The following SMAD2 variants were observed in gnomAD, a reference collection of about 807,000 sequenced individuals.
The protein encoded by SMAD2 is MAD homolog 2.
In SMAD2, 8 loss-of-function variants were observed where a neutral mutation model predicts 64.4. The ratio of observed to expected loss-of-function variants is 0.12; its 90% CI spans 0.07 to 0.22. SMAD2 has a LOEUF of 0.22. Among genes scored for constraint, SMAD2 ranks in the 10% least tolerant of loss-of-function variants. SMAD2 has a pLI of 1.00. For missense variants in SMAD2, 289 were observed against 561.2 expected, an observed-to-expected ratio of 0.51 and a Z score of 4.90; for synonymous variants, 203 against 195.8, an observed-to-expected ratio of 1.04 and a Z score of -0.31.
Position 47,828,935 on chromosome 18 carries a change from T to C in SMAD2, c.*12892A>G, listed in dbSNP as rs1278673662. Reference sequence around the variant, plus strand: ...ACACCCAAGAATGATCAATAAATACTAAAAAAAAAAAAAAAAAAAAAAAAA... The same window carrying C: ...ACACCCAAGAATGATCAATAAATACCAAAAAAAAAAAAAAAAAAAAAAAAA... On this transcript the variant is annotated 3_prime_UTR_variant, in exon 11 of 11. Coordinates refer to ENST00000262160, the MANE Select transcript of SMAD2 (RefSeq NM_005901.6). 2 of 32,462 alleles carry C rather than the reference T, an allele frequency of 6.2e-5. No individual in the cohort carries two copies. Among genetic ancestry groups the C allele is most frequent in the Admixed American group, 9.4e-4 (2 of 2,118 alleles). The allele number at this position is 32,462 out of a possible 1,614,324, so 2.0% of individuals were successfully genotyped here. A position where few individuals can be genotyped will look rare whatever the true frequency, so the allele number is the denominator to read the frequency against.
chr18:47,824,548 T>G lies in SMAD2; in HGVS notation c.*17279A>C, dbSNP rs979234789. 6.6e-6 allele frequency: 1 copy of G among 152,210 alleles called. No individual in the cohort carries two copies. Among genetic ancestry groups the G allele is most frequent in the African/African-American group, 2.4e-5 (1 of 41,450 alleles). 9.4% of individuals were successfully genotyped at this position (152,210 alleles called of 1,614,324 possible). ...TGCATATTGCCTTCACAATGCCCTA[T>G]TCCCAAATAAACATCATTTTCTTTT... is the stretch of plus-strand genomic sequence containing the variant. On this transcript the variant is annotated 3_prime_UTR_variant, in exon 11 of 11. Transcript: ENST00000262160.
chr18:47,838,117 A>ATGTT lies in SMAD2; in HGVS notation c.*3706_*3709dup, dbSNP rs375946894. On this transcript the variant is annotated 3_prime_UTR_variant, in exon 11 of 11. Coordinates refer to ENST00000262160, the MANE Select transcript of SMAD2 (RefSeq NM_005901.6). ...TTCAACTAGCAAGAGACTAAGACTG[A>ATGTT]TGTTTGTTTGTTTGTTTTACCTTCA... The ATGTT allele has an allele frequency of 8.6e-6, 2 of 232,984 alleles. No homozygotes were observed. Among genetic ancestry groups the ATGTT allele is most frequent in the African/African-American group, 2.2e-5 (1 of 45,418 alleles). 14.4% of individuals were successfully genotyped at this position (232,984 alleles called of 1,614,324 possible). A position where few individuals can be genotyped will look rare whatever the true frequency, so the allele number is the denominator to read the frequency against.
At position 47,837,282 on chromosome 18, in the gene SMAD2, G is replaced by A. The variant is rs8086227; in HGVS notation, c.*4545C>T. ...TATATGCAGATAAAAATATGGCTAG[G>A]CTGGGCGCGGTGGCTCATGCCTGTA... On this transcript the variant is annotated 3_prime_UTR_variant, in exon 11 of 11. Coordinates refer to ENST00000262160, the MANE Select transcript of SMAD2 (RefSeq NM_005901.6). The A allele has an allele frequency of 0.053, 10,328 of 194,366 alleles. 878 individuals are homozygous for A. Among genetic ancestry groups the A allele is most frequent in the East Asian group, 0.24 (2,903 of 12,334 alleles). 12.0% of individuals were successfully genotyped at this position (194,366 alleles called of 1,614,324 possible). A position where few individuals can be genotyped will look rare whatever the true frequency, so the allele number is the denominator to read the frequency against.
At chr18:47,843,171 A>G (rs62086510) in intron 10 of SMAD2, among the ~76,000 whole-genome samples, 3,393 of 152,268 alleles carry the variant, frequency 0.022, 60 homozygotes, top group Non-Finnish European at 0.031. Flanking sequence ...GATATACCCA[A>G]AAAGGCTAGA....
At chr18:47,853,519 G>T in intron 6 of SMAD2, 1 of 190,782 alleles carries the variant, frequency 5.2e-6, no homozygotes, top group Admixed American at 6.4e-5. Context: ...GCAAGACTCT[G>T]TCTCGAGAGG....
chr18:47,879,124 G>A (rs1026767093), intron 2 of SMAD2, among the ~76,000 whole-genome samples: 5 of 152,164 alleles, frequency 3.3e-5, no homozygotes, highest in Non-Finnish European at 7.3e-5. Context: ...CCCTGTCTCA[G>A]AGAGAAAAAT....
At chr18:47,910,087 A>G (rs1376231630) in intron 1 of SMAD2, among the ~76,000 whole-genome samples, 1 of 152,082 alleles carries the variant, frequency 6.6e-6, no homozygotes, top group Non-Finnish European at 1.5e-5. Context: ...CATTCCTACT[A>G]GAGAAAACAG....
At chr18:47,894,625 A>G (rs942019727) in intron 2 of SMAD2, among the ~76,000 whole-genome samples, 11 of 152,212 alleles carry the variant, frequency 7.2e-5, no homozygotes, top group Non-Finnish European at 1.3e-4. Context: ...CAAAATCACC[A>G]GTATTCCTCC....
chr18:47,874,833 T>C (rs2044205240), intron 2 of SMAD2, among the ~76,000 whole-genome samples: 1 of 152,182 alleles, frequency 6.6e-6, no homozygotes, highest in African/African-American at 2.4e-5. Context: ...TGTATGTGTA[T>C]ACATACATAA....
chr18:47,850,426 TTATA>T lies in SMAD2; in HGVS notation c.784+844_784+847del, dbSNP rs1213924870. 1.6e-4 allele frequency among the ~76,000 whole-genome samples: 4 copies of T among 24,372 alleles called. 1 individual carries two copies. Among genetic ancestry groups the T allele is most frequent in the Non-Finnish European group, 1.9e-4 (3 of 15,634 alleles). 16.0% of individuals were successfully genotyped at this position (24,372 alleles called of 152,430 possible). On this transcript the variant is annotated intron_variant, in intron 7 of 10. Coordinates refer to ENST00000262160, the MANE Select transcript of SMAD2 (RefSeq NM_005901.6). ...TATTATGTATAATATATATAATATA[TTATA>T]TATATTATGTATAATATATATTATA...
intron 1 of SMAD2, among the ~76,000 whole-genome samples, chr18:47,898,659 T>A (rs2033547838): frequency 9.8e-6 from 1 of 101,570 alleles, no homozygotes; most frequent in Admixed American, 1.1e-4. Context: ...CATGGAAGAA[T>A]AATTTTTTTT....
At chr18:47,867,233 G>A (rs1057008243) in intron 5 of SMAD2, 4 of 151,414 alleles carry the variant, frequency 2.6e-5, no homozygotes, top group Admixed American at 2.0e-4. Context: ...ATCCTCTTCT[G>A]GAATAAAACA....
chr18:47,891,517 CT>C (rs5824713), intron 2 of SMAD2, among the ~76,000 whole-genome samples: 68 of 146,088 alleles, frequency 4.7e-4, no homozygotes, highest in Non-Finnish European at 4.2e-4. Flanking sequence ...TTTTAAGTAA[CT>C]TTTTTTTTTT....
At chr18:47,911,196 C>G (rs2034118237) in intron 1 of SMAD2, among the ~76,000 whole-genome samples, 1 of 151,684 alleles carries the variant, frequency 6.6e-6, no homozygotes, top group African/African-American at 2.4e-5. Flanking sequence ...ACTAAAAATA[C>G]AAAAATTAGC....
chr18:47,886,551 A>C (rs1195474355), intron 2 of SMAD2, among the ~76,000 whole-genome samples: 2 of 148,798 alleles, frequency 1.3e-5, no homozygotes, highest in Non-Finnish European at 3.0e-5. Context: ...ATTTCAGAGA[A>C]ACTATATCTA....
chr18:47,886,923 C>CA (rs11432634), intron 2 of SMAD2: 55,088 of 126,218 alleles, frequency 0.44, 10,761 homozygotes, highest in East Asian at 0.61. Context: ...TGATTATATG[C>CA]AAAAAAAAAA....
At chr18:47,878,249 C>T (rs1407572959) in intron 2 of SMAD2, 1 of 152,116 alleles carries the variant, frequency 6.6e-6, no homozygotes, top group Non-Finnish European at 1.5e-5. Context: ...TAAACTAATA[C>T]CAAGTCTTCC....
Position 47,835,897 on chromosome 18 carries a change from TTTTCTCGAAA to T in SMAD2, c.*5920_*5929del. The T allele has an allele frequency of 4.9e-6, 1 of 206,124 alleles. No individual in the cohort carries two copies. The highest frequency in any genetic ancestry group is 9.9e-6 in the Non-Finnish European group (1 of 100,846). 12.8% of individuals were successfully genotyped at this position (206,124 alleles called of 1,614,324 possible). ...AACTGTTTGGAGGGTAAAAGAATACTTTTCTCGAAATTTTTTTGAAGAAAAATCTAAAAGC... is the reference window on the plus strand; with the variant it reads ...AACTGTTTGGAGGGTAAAAGAATACTTTTTTTTGAAGAAAAATCTAAAAGC... On this transcript the variant is annotated 3_prime_UTR_variant, in exon 11 of 11. Coordinates refer to ENST00000262160, the MANE Select transcript of SMAD2 (RefSeq NM_005901.6).
Position 47,814,294 on chromosome 18 carries a change from G to A in SMAD2, c.*27533C>T, listed in dbSNP as rs1206148269. ...TTGCTACTCAGCTGTGAATCTCAGA[G>A]CCTGCCTTTATTATCTTGATTATTC... On this transcript the variant is annotated 3_prime_UTR_variant, in exon 11 of 11. Coordinates refer to ENST00000262160, the MANE Select transcript of SMAD2 (RefSeq NM_005901.6). The A allele has an allele frequency of 6.6e-6, 1 of 152,168 alleles. No individual in the cohort carries two copies. Among genetic ancestry groups the A allele is most frequent in the African/African-American group, 2.4e-5 (1 of 41,434 alleles). 9.4% of individuals were successfully genotyped at this position (152,168 alleles called of 1,614,324 possible).
Sources: gnomAD v4.1 joint callset for allele counts (sites outside exome capture counted in the v4.1 genomes callset) on GRCh38, gnomAD v4.1.1 for gene constraint, MANE v1.5 for transcripts, NCBI Gene and HGNC (gene_info 2026-07-23, HGNC 2026-07-21) for gene names.